Variants in PCDHB5 observed in about 807,000 individuals in gnomAD.
PCDHB5 encodes protocadherin beta-5.
For missense variants in PCDHB5, 1,125 were observed against 1,029.4 expected (o/e 1.09, Z -1.27); for synonymous variants, 569 against 462.2 (o/e 1.23, Z -2.96).
At position 141,137,097 on chromosome 5, in the gene PCDHB5, G is replaced by C. The variant is rs1468739817; in HGVS notation, c.1663G>C (p.Asp555His). 2.5e-6 allele frequency: 4 copies of C among 1,611,506 alleles called. No homozygotes were observed. Among genetic ancestry groups the C allele is most frequent in the East Asian group, 2.2e-5 (1 of 44,864 alleles). ...GCGCGTGCTGGTGCTGGACGCCAAC[G>C]ACAACTCGCCCTTCGTGCTGTATCC... ...LVRVLVLDAN[D>H]NSPFVLYPLQ... is the part of the protein sequence containing the mutation. The change falls in exon 1 of 1, where the codon GAC becomes CAC. Residue 555 changes from aspartate to histidine, a missense_variant. Coordinates refer to ENST00000231134, the MANE Select transcript of PCDHB5 (RefSeq NM_015669.5).
At position 141,136,411 on chromosome 5, in the gene PCDHB5, T is replaced by C; in HGVS notation, c.977T>C (p.Leu326Pro). 6.2e-7 allele frequency: 1 copy of C among 1,614,000 alleles called. No homozygotes were observed. The highest frequency in any genetic ancestry group is 2.2e-5 in the East Asian group (1 of 44,860). Residue 326 changes from leucine (L) to proline (P), a missense_variant, in exon 1 of 1, where the codon CTT (leucine) becomes CCT (proline). By Grantham distance (98) the Leu-to-Pro change is moderately conservative. Transcript: ENST00000231134. ...VEIVATDGGG[L>P]SGKCTVAIEV... ...ATTGTAGCCACAGATGGTGGGGGCC[T>C]TTCAGGAAAATGCACTGTGGCTATA...
chr5:141,135,861 C>T lies in PCDHB5; in HGVS notation c.427C>T (p.Pro143Ser). 7 of 1,614,142 alleles carry T rather than the reference C, an allele frequency of 4.3e-6. No homozygotes were observed. Among genetic ancestry groups the T allele is most frequent in the Admixed American group, 1.7e-5 (1 of 60,030 alleles). The change falls in exon 1 of 1, where the codon CCA (proline) becomes TCA (serine). Residue 143 changes from proline (P) to serine (S), a missense_variant. Physicochemically the swap from Pro to Ser is moderately conservative, Grantham distance 74. Coordinates refer to ENST00000231134, the MANE Select transcript of PCDHB5 (RefSeq NM_015669.5). ...AGAGAAGGAAATGCTCCTAAAAATC[C>T]CAGAGAGCACCCAGCCAGGGACTGT... ...FPEKEMLLKI[P>S]ESTQPGTVFP... is the part of the protein sequence containing the mutation.
rs151338173 is a variant in PCDHB5, at chr5:141,136,891, C to T, written c.1457C>T (p.Thr486Ile). ...DRDSGTNAQV[T>I]YSLLPPQNPH... ...GACTCAGGCACCAACGCCCAGGTCA[C>T]CTACTCGCTGCTGCCGCCCCAGAAC... Residue 486 changes from threonine to isoleucine, a missense_variant, in exon 1 of 1, where the codon ACC (threonine) becomes ATC (isoleucine). Thr to Ile is a moderately conservative substitution (Grantham distance 89). Transcript: ENST00000231134. The T allele has an allele frequency of 5.0e-6, 8 of 1,612,744 alleles. No homozygotes were observed. The highest frequency in any genetic ancestry group is 2.2e-5 in the East Asian group (1 of 44,878).
chr5:141,137,147 C>T lies in PCDHB5; in HGVS notation c.1713C>T (p.Cys571=). 1 of 1,610,904 alleles carries T rather than the reference C, an allele frequency of 6.2e-7. No homozygotes were observed. Among genetic ancestry groups the T allele is most frequent in the Non-Finnish European group, 8.5e-7 (1 of 1,179,578 alleles). The change falls in exon 1 of 1, where the codon TGC becomes TGT. Residue 571 remains cysteine, a synonymous_variant. Coordinates refer to ENST00000231134, the MANE Select transcript of PCDHB5 (RefSeq NM_015669.5). ...LYPLQNGSAP[C]TELVPRAAEP... Reference sequence around the variant, plus strand: ...CGCTGCAGAACGGCTCGGCGCCTTGCACCGAGCTGGTGCCCCGGGCGGCCG... The same window carrying T: ...CGCTGCAGAACGGCTCGGCGCCTTGTACCGAGCTGGTGCCCCGGGCGGCCG...
In PCDHB5 at chr5:141,136,189, C is replaced by T; in HGVS notation, c.755C>T (p.Pro252Leu). 1 of 1,613,996 alleles carries T rather than the reference C, an allele frequency of 6.2e-7. No individual in the cohort carries two copies. Among genetic ancestry groups the T allele is most frequent in the Non-Finnish European group, 8.5e-7 (1 of 1,179,982 alleles). ...FLQSFYEVQV[P>L]ENSPLNSLVV... ...CAATCATTCTATGAGGTACAGGTGC[C>T]CGAGAACAGCCCCCTTAACTCCTTA... The change falls in exon 1 of 1, where the codon CCC (proline) becomes CTC (leucine). Residue 252 changes from proline to leucine, a missense_variant. Physicochemically the swap from Pro to Leu is moderately conservative, Grantham distance 98. Transcript: ENST00000231134.
chr5:141,137,759 C>A lies in PCDHB5; in HGVS notation c.2325C>A (p.Pro775=). The change falls in exon 1 of 1, where the codon CCC becomes CCA. Residue 775 remains proline (P), a synonymous_variant. Coordinates refer to ENST00000231134, the MANE Select transcript of PCDHB5 (RefSeq NM_015669.5). ...AGCCGATTATTCCTAACCTTTTGCCCCAGGGCGCTGGTGAAGAAATAGGGA... is the reference window on the plus strand; with the variant it reads ...AGCCGATTATTCCTAACCTTTTGCCACAGGGCGCTGGTGAAGAAATAGGGA... ...FLKPIIPNLL[P]QGAGEEIGKT... 1 of 1,614,030 alleles carries A rather than the reference C, an allele frequency of 6.2e-7. No individual in the cohort carries two copies. The highest frequency in any genetic ancestry group is 1.1e-5 in the South Asian group (1 of 91,054).
Position 141,137,306 on chromosome 5 carries a change from C to T in PCDHB5, c.1872C>T (p.Arg624=), listed in dbSNP as rs61739512. The stretch of plus-strand genomic sequence containing the variant: ...TGTGGGCGCACAATGGCGAGGTGCG[C>T]ACCGCCAGGCTGCTGAGCGAGCGCG... The part of the protein sequence containing the change: ...FSMWAHNGEV[R]TARLLSERDA... Residue 624 remains arginine (R), a synonymous_variant, in exon 1 of 1, where the codon CGC becomes CGT. Transcript: ENST00000231134. The T allele has an allele frequency of 6.2e-7, 1 of 1,610,148 alleles. No individual in the cohort carries two copies. The highest frequency in any genetic ancestry group is 1.7e-5 in the Admixed American group (1 of 59,988).
In PCDHB5 at chr5:141,135,957, A is replaced by G. The variant is rs782204748; in HGVS notation, c.523A>G (p.Asn175Asp). The G allele has an allele frequency of 6.9e-5, 112 of 1,614,104 alleles. No individual in the cohort carries two copies. The highest frequency in any genetic ancestry group is 9.2e-5 in the Non-Finnish European group (109 of 1,180,050). The change falls in exon 1 of 1, where the codon AAT becomes GAT. Residue 175 changes from asparagine (N) to aspartate (D), a missense_variant. Asn to Asp is a conservative substitution (Grantham distance 23). Transcript: ENST00000231134. ...TGTTCAGAACTACACAATCAGCCCA[A>G]ATTCACACTTTCATGTTGCTACGCA... The part of the protein sequence containing the change: ...NTVQNYTISP[N>D]SHFHVATHNR...
In PCDHB5 at chr5:141,137,382, C is replaced by T. The variant is rs1554276184; in HGVS notation, c.1948C>T (p.Pro650Ser). 3 of 1,609,246 alleles carry T rather than the reference C, an allele frequency of 1.9e-6. No homozygotes were observed. Among genetic ancestry groups the T allele is most frequent in the Non-Finnish European group, 2.5e-6 (3 of 1,179,024 alleles). ...GCTGGTCAAGGACAATGGCGAGCCT[C>T]CGCGCTCGGCCACCGCCACGCTGCA... ...VVLVKDNGEP[P>S]RSATATLHVL... The change falls in exon 1 of 1, where the codon CCG (proline) becomes TCG (serine). Residue 650 changes from proline to serine, a missense_variant. By Grantham distance (74) the Pro-to-Ser change is moderately conservative. Transcript: ENST00000231134.
Position 141,136,981 on chromosome 5 carries a change from G to A in PCDHB5, c.1547G>A (p.Arg516Lys). Reference protein sequence around the residue: ...NADNGHLFALRSLDYEALQAF... With the variant: ...NADNGHLFALKSLDYEALQAF... ...GACAACGGCCACCTGTTTGCCCTCA[G>A]GTCGCTGGACTACGAGGCCCTGCAG... The change falls in exon 1 of 1, where the codon AGG (arginine) becomes AAG (lysine). Residue 516 changes from arginine to lysine, a missense_variant. Transcript: ENST00000231134. 1 of 1,612,400 alleles carries A rather than the reference G, an allele frequency of 6.2e-7. No homozygotes were observed. The highest frequency in any genetic ancestry group is 8.5e-7 in the Non-Finnish European group (1 of 1,179,922).
In PCDHB5 at chr5:141,135,274, G is replaced by C; in HGVS notation, c.-161G>C. 3.4e-6 allele frequency: 2 copies of C among 585,062 alleles called. No individual in the cohort carries two copies. Among genetic ancestry groups the C allele is most frequent in the Non-Finnish European group, 6.0e-6 (2 of 335,256 alleles). The allele number at this position is 585,062 out of a possible 1,614,324, so 36.2% of individuals were successfully genotyped here. A position where few individuals can be genotyped will look rare whatever the true frequency, so the allele number is the denominator to read the frequency against. On this transcript the variant is annotated 5_prime_UTR_variant, in exon 1 of 1. Coordinates refer to ENST00000231134, the MANE Select transcript of PCDHB5 (RefSeq NM_015669.5). Reference sequence around the variant, plus strand: ...AAGCTGGGGAATCCAAACTCTAAAAGAAGGACGCATTTTAGGTAAGATCTA... The same window carrying C: ...AAGCTGGGGAATCCAAACTCTAAAACAAGGACGCATTTTAGGTAAGATCTA...
Position 141,137,486 on chromosome 5 carries a change from G to C in PCDHB5, c.2052G>C (p.Ser684=), listed in dbSNP as rs782577953. The C allele has an allele frequency of 3.1e-6, 5 of 1,612,666 alleles. No individual in the cohort carries two copies. The African/African-American group carries it at 5.3e-5, about 17-fold the overall frequency. The change falls in exon 1 of 1, where the codon TCG becomes TCC. Residue 684 remains serine (S), a synonymous_variant. Coordinates refer to ENST00000231134, the MANE Select transcript of PCDHB5 (RefSeq NM_015669.5). The part of the protein sequence containing the change: ...EAAPAQAQAD[S]LTVYLVVALA... The stretch of plus-strand genomic sequence containing the variant: ...CCCCGGCCCAGGCCCAGGCCGACTC[G>C]CTCACTGTCTACCTGGTGGTGGCAT...
rs782465641 is a variant in PCDHB5, at chr5:141,136,180, T to C, written c.746T>C (p.Val249Ala). The C allele has an allele frequency of 9.2e-5, 149 of 1,613,942 alleles. No individual in the cohort carries two copies. The highest frequency in any genetic ancestry group is 1.6e-4 in the Middle Eastern group (1 of 6,082). ...GAATTTTTACAATCATTCTATGAGG[T>C]ACAGGTGCCCGAGAACAGCCCCCTT... ...APEFLQSFYE[V>A]QVPENSPLNS... The change falls in exon 1 of 1, where the codon GTA (valine) becomes GCA (alanine). Residue 249 changes from valine to alanine, a missense_variant. Val to Ala is a moderately conservative substitution (Grantham distance 64, BLOSUM62 0). Transcript: ENST00000231134.
chr5:141,137,052 C>G lies in PCDHB5; in HGVS notation c.1618C>G (p.Leu540Val). 2 of 1,611,788 alleles carry G rather than the reference C, an allele frequency of 1.2e-6. No individual in the cohort carries two copies. Among genetic ancestry groups the G allele is most frequent in the Non-Finnish European group, 1.7e-6 (2 of 1,179,708 alleles). Residue 540 changes from leucine to valine, a missense_variant, in exon 1 of 1, where the codon CTG (leucine) becomes GTG (valine). Coordinates refer to ENST00000231134, the MANE Select transcript of PCDHB5 (RefSeq NM_015669.5). ...VGATDRGSPALSSEALVRVLV... is the reference protein window; with the variant it reads ...VGATDRGSPAVSSEALVRVLV... ...AGCCACAGACCGCGGCTCCCCGGCG[C>G]TGAGCAGCGAGGCGCTGGTGCGCGT...
rs1488454186 is a variant in PCDHB5 at position 141,136,731 on chromosome 5, G to C, written c.1297G>C (p.Glu433Gln). ...TDMGTPRLKT[E>Q]HNITVLVSDV... ...CATGGGGACACCCAGGCTGAAAACC[G>C]AGCACAACATAACGGTCCTGGTCTC... Residue 433 changes from glutamate to glutamine, a missense_variant, in exon 1 of 1, where the codon GAG (glutamate) becomes CAG (glutamine). Glu to Gln is a conservative substitution (Grantham distance 29). Transcript: ENST00000231134. The C allele has an allele frequency of 3.1e-6, 5 of 1,613,886 alleles. No homozygotes were observed. The highest frequency in any genetic ancestry group is 1.7e-5 in the Admixed American group (1 of 59,986).
Position 141,135,464 on chromosome 5 carries a change from GA to G in PCDHB5, c.34del (p.Arg12GlyfsTer68). The G allele has an allele frequency of 6.2e-7, 1 of 1,612,568 alleles. No homozygotes were observed. Among genetic ancestry groups the G allele is most frequent in the Non-Finnish European group, 8.5e-7 (1 of 1,179,350 alleles). On this transcript the variant is annotated frameshift_variant, in exon 1 of 1. Transcript: ENST00000231134. LOFTEE classifies it low-confidence loss of function (END_TRUNC). METALAKTPQ[K>X]RQVMFLAILL... Reference sequence around the variant, plus strand: ...AGACTGCGCTAGCAAAAACGCCACAGAAAAGGCAAGTTATGTTTCTTGCTAT... The same window carrying G: ...AGACTGCGCTAGCAAAAACGCCACAGAAAGGCAAGTTATGTTTCTTGCTAT...
At position 141,137,062 on chromosome 5, in the gene PCDHB5, A is replaced by T; in HGVS notation, c.1628A>T (p.Glu543Val). 1 of 1,611,686 alleles carries T rather than the reference A, an allele frequency of 6.2e-7. No homozygotes were observed. Among genetic ancestry groups the T allele is most frequent in the Non-Finnish European group, 8.5e-7 (1 of 1,179,668 alleles). ...TDRGSPALSS[E>V]ALVRVLVLDA... is the part of the protein sequence containing the mutation. ...CGCGGCTCCCCGGCGCTGAGCAGCG[A>T]GGCGCTGGTGCGCGTGCTGGTGCTG... The change falls in exon 1 of 1, where the codon GAG (glutamate) becomes GTG (valine). Residue 543 changes from glutamate to valine, a missense_variant. By Grantham distance (121) the Glu-to-Val change is moderately radical (BLOSUM62 -2). Coordinates refer to ENST00000231134, the MANE Select transcript of PCDHB5 (RefSeq NM_015669.5).
Position 141,136,030 on chromosome 5 carries a change from C to G in PCDHB5, c.596C>G (p.Ala199Gly), listed in dbSNP as rs61736695. Residue 199 changes from alanine to glycine, a missense_variant, in exon 1 of 1, where the codon GCG (alanine) becomes GGG (glycine). Physicochemically the swap from Ala to Gly is moderately conservative, Grantham distance 60. Transcript: ENST00000231134. ...TACCCAGAGCTGGTGCTGGACAAAG[C>G]GCTGGACCGGGAGGAGCGGCCTGAG... ...RKYPELVLDK[A>G]LDREERPELS... The G allele has an allele frequency of 1.7e-4, 280 of 1,614,172 alleles. 1 individual carries two copies. In the African/African-American group the frequency reaches 3.4e-3, roughly 19 times the overall value.
rs531533367 is a variant in PCDHB5 at position 141,135,252 on chromosome 5, C to T, written c.-183C>T. 3.4e-5 allele frequency: 19 copies of T among 564,032 alleles called. No homozygotes were observed. The highest frequency in any genetic ancestry group is 4.7e-5 in the Non-Finnish European group (15 of 322,086). The allele number at this position is 564,032 out of a possible 1,614,324, so 34.9% of individuals were successfully genotyped here. A position where few individuals can be genotyped will look rare whatever the true frequency, so the allele number is the denominator to read the frequency against. ...TGCGGATAACTCAGACGCCATTAAG[C>T]TGGGGAATCCAAACTCTAAAAGAAG... On this transcript the variant is annotated 5_prime_UTR_variant, in exon 1 of 1. Coordinates refer to ENST00000231134, the MANE Select transcript of PCDHB5 (RefSeq NM_015669.5).
Sources: gnomAD v4.1 joint callset for allele counts on GRCh38, gnomAD v4.1.1 for gene constraint, MANE v1.5 for transcripts, NCBI Gene and HGNC (gene_info 2026-07-23, HGNC 2026-07-21) for gene names.